Variants in CCDC80 observed in about 807,000 individuals in gnomAD.
CCDC80 encodes coiled-coil domain-containing protein 80.
CCDC80 carries 49 observed loss-of-function variants against 78.7 expected under a neutral mutation model. The observed-to-expected ratio is 0.62, with a 90% CI of 0.50 to 0.79. The LOEUF (loss-of-function observed/expected upper bound fraction) is 0.79. CCDC80 is among the 30% of genes least tolerant of loss of function. CCDC80 has a pLI of 0.00. For missense variants in CCDC80, 1,205 were observed against 1,198.6 expected, an observed-to-expected ratio of 1.01 and a Z score of -0.08; for synonymous variants, 488 against 447.0, an observed-to-expected ratio of 1.09 and a Z score of -1.16.
intron 3 of CCDC80, among the ~76,000 whole-genome samples, chr3:112,627,394 T>C (rs1315895657): frequency 6.6e-6 from 1 of 152,210 alleles, no homozygotes; most frequent in Non-Finnish European, 1.5e-5. Flanking sequence ...CATGAAAGCC[T>C]AAAATCTTAA....
chr3:112,630,126 G>T lies in CCDC80; in HGVS notation c.2022C>A (p.Asp674Glu), dbSNP rs1186211033. Residue 674 changes from aspartate to glutamate, a missense_variant, in exon 3 of 8, where the codon GAC becomes GAA. By Grantham distance (45) the Asp-to-Glu change is conservative. Coordinates refer to ENST00000206423, the MANE Select transcript of CCDC80 (RefSeq NM_199511.3). ...GPVNNSTMKI[D>E]HFQLDNEKPM... ...GTTTAAGAGAACCTAGCTGAAAGTG[G>T]TCGATTTTCATGGTGCTGTTGTTGA... is the stretch of plus-strand genomic sequence containing the variant. The T allele has an allele frequency of 6.2e-7, 1 of 1,613,742 alleles. No homozygotes were observed. The highest frequency in any genetic ancestry group is 1.1e-5 in the South Asian group (1 of 91,062).
At position 112,630,183 on chromosome 3, in the gene CCDC80, C is replaced by T. The variant is rs148347536; in HGVS notation, c.1965G>A (p.Arg655=). Residue 655 remains arginine (R), a synonymous_variant, in exon 3 of 8, where the codon AGG becomes AGA. Coordinates refer to ENST00000206423, the MANE Select transcript of CCDC80 (RefSeq NM_199511.3). Reference sequence around the variant, plus strand: ...CGAAGATGGTGATCACAGAGATTTTCCTGGTAGCCATCTTGCAGAAACTTT... The same window carrying T: ...CGAAGATGGTGATCACAGAGATTTTTCTGGTAGCCATCTTGCAGAAACTTT... ...YLESFCKMAT[R]KISVITIFGP... is the part of the protein sequence containing the mutation. 6.4e-5 allele frequency: 103 copies of T among 1,613,890 alleles called. No individual in the cohort carries two copies. The highest frequency in any genetic ancestry group is 2.8e-4 in the Admixed American group (17 of 59,982).
At chr3:112,625,223 C>A (rs993328223) in intron 3 of CCDC80, among the ~76,000 whole-genome samples, 1 of 152,140 alleles carries the variant, frequency 6.6e-6, no homozygotes, top group Non-Finnish European at 1.5e-5. Flanking sequence ...TCACATATTA[C>A]ACTGGTCAAA....
chr3:112,610,186 G>GAAA, intron 5 of CCDC80, 105 bp from the exon 6 acceptor site: 2 of 663,932 alleles, frequency 3.0e-6, no homozygotes, highest in East Asian at 3.5e-5. Context: ...TCTGTGCCCA[G>GAAA]AAAAAAAAAA....
In CCDC80 at chr3:112,599,544, G is replaced by C. The variant is rs369569457; in HGVS notation, c.*5873C>G. On this transcript the variant is annotated 3_prime_UTR_variant, in exon 8 of 8. Coordinates refer to ENST00000206423, the MANE Select transcript of CCDC80 (RefSeq NM_199511.3). ...CGGCAGGGAGATCAGGGAGCGAAAC[G>C]AACAGAGAAACGAACAGAGGTTTTT... 1.3e-5 allele frequency: 2 copies of C among 152,542 alleles called. No individual in the cohort carries two copies. Among genetic ancestry groups the C allele is most frequent in the Non-Finnish European group, 2.9e-5 (2 of 68,362 alleles). The allele number at this position is 152,542 out of a possible 1,614,324, so 9.4% of individuals were successfully genotyped here. A position where few individuals can be genotyped will look rare whatever the true frequency, so the allele number is the denominator to read the frequency against.
intron 5 of CCDC80, among the ~76,000 whole-genome samples, chr3:112,612,521 G>A (rs564064063): frequency 6.6e-6 from 1 of 152,152 alleles, no homozygotes; most frequent in Admixed American, 6.5e-5. Context: ...GACACGGAAG[G>A]AAACTTCCAA....
chr3:112,633,256 A>G (rs1007335125), intron 2 of CCDC80, among the ~76,000 whole-genome samples: 1 of 152,144 alleles, frequency 6.6e-6, no homozygotes, highest in Non-Finnish European at 1.5e-5. Flanking sequence ...TGAATAATTC[A>G]CCCACAATCC....
chr3:112,625,101 G>T (rs1028378933), intron 3 of CCDC80, among the ~76,000 whole-genome samples: 6 of 152,200 alleles, frequency 3.9e-5, no homozygotes, highest in Admixed American at 2.0e-4. Flanking sequence ...AGAAAAATGG[G>T]CAAAGAACAC....
In CCDC80 at chr3:112,639,004, G is replaced by T. The variant is rs776703387; in HGVS notation, c.902C>A (p.Ala301Glu). 5 of 1,610,984 alleles carry T rather than the reference G, an allele frequency of 3.1e-6. No homozygotes were observed. In the African/African-American group the frequency reaches 6.7e-5, roughly 22 times the overall value. ...VAEGNDGGGGAGRPSLGSEKK... is the reference protein window; with the variant it reads ...VAEGNDGGGGEGRPSLGSEKK... Reference sequence around the variant, plus strand: ...CTCGCTGCCCAGGCTTGGCCTTCCTGCTCCCCCTCCACCGTCATTCCCCTC... The same window carrying T: ...CTCGCTGCCCAGGCTTGGCCTTCCTTCTCCCCCTCCACCGTCATTCCCCTC... Residue 301 changes from alanine (A) to glutamate (E), a missense_variant, in exon 2 of 8, where the codon GCA (alanine) becomes GAA (glutamate). Coordinates refer to ENST00000206423, the MANE Select transcript of CCDC80 (RefSeq NM_199511.3).
chr3:112,630,863 G>A lies in CCDC80; in HGVS notation c.1879-594C>T, dbSNP rs540358312. ...ATATATTCACTGTCACATTCAGCCT[G>A]CACAGAGTTGGTGGTGTTTGTCTTT... On this transcript the variant is annotated intron_variant, in intron 2 of 7. Coordinates refer to ENST00000206423, the MANE Select transcript of CCDC80 (RefSeq NM_199511.3). Among the ~76,000 whole-genome samples the A allele has an allele frequency of 7.9e-5, 12 of 152,266 alleles. 2 individuals carry two copies. The South Asian group carries it at 2.5e-3, about 32-fold the overall frequency.
At chr3:112,607,944 T>C (rs1935548119) in intron 6 of CCDC80, among the ~76,000 whole-genome samples, 1 of 152,246 alleles carries the variant, frequency 6.6e-6, no homozygotes, top group African/African-American at 2.4e-5. Context: ...TTGAAATTGT[T>C]CTGCTTCCTC....
At position 112,639,378 on chromosome 3, in the gene CCDC80, G is replaced by A. The variant is rs138929676; in HGVS notation, c.528C>T (p.Tyr176=). The change falls in exon 2 of 8, where the codon TAC becomes TAT. Residue 176 remains tyrosine (Y), a synonymous_variant. Transcript: ENST00000206423. ...LMMSLLKDDV[Y]CELAERHIQQ... ...GGATGTGCCTCTCCGCCAGCTCACA[G>A]TACACATCGTCCTTCAGCAGGCTCA... 199 of 1,614,180 alleles carry A rather than the reference G, an allele frequency of 1.2e-4. 1 individual carries two copies. The African/African-American group carries it at 2.6e-3, about 21-fold the overall frequency.
At chr3:112,635,774 G>T (rs1328268792) in intron 2 of CCDC80, among the ~76,000 whole-genome samples, 1 of 152,214 alleles carries the variant, frequency 6.6e-6, no homozygotes, top group Non-Finnish European at 1.5e-5. Flanking sequence ...ATTCCAGCTG[G>T]TTTCTGTTTT....
chr3:112,639,413 G>A lies in CCDC80; in HGVS notation c.493C>T (p.Arg165Cys), dbSNP rs149351271. 4 of 1,614,060 alleles carry A rather than the reference G, an allele frequency of 2.5e-6. No individual in the cohort carries two copies. The African/African-American group carries it at 4.0e-5, about 16-fold the overall frequency. Residue 165 changes from arginine (R) to cysteine (C), a missense_variant, in exon 2 of 8, where the codon CGC becomes TGC. Coordinates refer to ENST00000206423, the MANE Select transcript of CCDC80 (RefSeq NM_199511.3). Reference protein sequence around the residue: ...SAPHASEGYYRLMMSLLKDDV... With the variant: ...SAPHASEGYYCLMMSLLKDDV... ...TCCTTCAGCAGGCTCATCATGAGGC[G>A]GTAGTAGCCTTCCGAGGCATGAGGG...
At chr3:112,634,011 T>A (rs1325971187) in intron 2 of CCDC80, among the ~76,000 whole-genome samples, 1 of 152,148 alleles carries the variant, frequency 6.6e-6, no homozygotes, top group Non-Finnish European at 1.5e-5. Flanking sequence ...GTTGGCTCAA[T>A]GAGCCTCAGA....
chr3:112,627,720 A>G (rs1437961094), intron 3 of CCDC80, among the ~76,000 whole-genome samples: 1 of 152,208 alleles, frequency 6.6e-6, no homozygotes, highest in Non-Finnish European at 1.5e-5. Context: ...CCATAAGGGT[A>G]AACTGGGACA....
At chr3:112,612,852 T>G (rs953642911) in intron 5 of CCDC80, among the ~76,000 whole-genome samples, 3 of 150,530 alleles carry the variant, frequency 2.0e-5, no homozygotes, top group African/African-American at 7.3e-5. Context: ...ACTGGTTTAA[T>G]TACAGGACTG....
rs755702357 is a variant in CCDC80, at chr3:112,639,106, C to T, written c.800G>A (p.Arg267His). 1.9e-6 allele frequency: 3 copies of T among 1,614,086 alleles called. No homozygotes were observed. Among genetic ancestry groups the T allele is most frequent in the African/African-American group, 1.3e-5 (1 of 75,038 alleles). Residue 267 changes from arginine to histidine, a missense_variant, in exon 2 of 8, where the codon CGT (arginine) becomes CAT (histidine). By Grantham distance (29) the Arg-to-His change is conservative. Coordinates refer to ENST00000206423, the MANE Select transcript of CCDC80 (RefSeq NM_199511.3). ...MYEVIDQGPI[R>H]RIEKIRQKGF... ...CTTCTGCCTGATCTTCTCGATCCTACGGATGGGGCCTTGGTCGATGACCTC... is the reference window on the plus strand; with the variant it reads ...CTTCTGCCTGATCTTCTCGATCCTATGGATGGGGCCTTGGTCGATGACCTC...
intron 3 of CCDC80, among the ~76,000 whole-genome samples, chr3:112,626,773 C>T (rs1195986925): frequency 1.3e-5 from 2 of 152,170 alleles, no homozygotes; most frequent in Non-Finnish European, 2.9e-5. Flanking sequence ...TTCCCAAACT[C>T]CTGGCCTCAA....
Sources: gnomAD v4.1 joint callset for allele counts (sites outside exome capture counted in the v4.1 genomes callset) on GRCh38, gnomAD v4.1.1 for gene constraint, MANE v1.5 for transcripts, NCBI Gene and HGNC (gene_info 2026-07-23, HGNC 2026-07-21) for gene names.